Variants in DHX37 observed in about 807,000 individuals in gnomAD.
The protein encoded by DHX37 is probable ATP-dependent RNA helicase DHX37.
A neutral mutation model predicts 134.3 loss-of-function variants in DHX37; 52 were observed. The observed-to-expected ratio is 0.39, with a 90% CI of 0.31 to 0.49. The LOEUF (loss-of-function observed/expected upper bound fraction) is 0.49, where lower values mean the gene tolerates loss of function less well. Ranked by LOEUF, DHX37 falls within the 20% of genes least tolerant of loss-of-function variation. The pLI, the probability that DHX37 is intolerant of heterozygous loss-of-function variation, is 0.93. For synonymous variants in DHX37, 634 were observed against 670.7 expected (o/e 0.95, Z 0.85); for missense variants, 1,344 against 1,580.8 (o/e 0.85, Z 2.54).
intron 25 of DHX37, among the ~76,000 whole-genome samples, chr12:124,948,913 C>T (rs1328038687): frequency 6.6e-6 from 1 of 152,212 alleles, no homozygotes; most frequent in Non-Finnish European, 1.5e-5. Context: ...TCCTCCCATC[C>T]ACCCTGGCTG....
intron 1 of DHX37, 53 bp from the exon 2 acceptor site, chr12:124,986,318 C>A: frequency 6.3e-7 from 1 of 1,590,432 alleles, no homozygotes; most frequent in Non-Finnish European, 8.5e-7. Context: ...GCTCTGGTCC[C>A]GCCTCCCACA....
rs754141645 is a variant in DHX37, at chr12:124,950,445, C to T, written c.3089G>A (p.Gly1030Glu). 4.1e-5 allele frequency: 66 copies of T among 1,592,906 alleles called. No individual in the cohort carries two copies. Among genetic ancestry groups the T allele is most frequent in the Non-Finnish European group, 5.4e-5 (63 of 1,169,056 alleles). ...GCTGGCCCGGTGACACAGCACCCGC[C>T]CCCGCTCGGGGCAGTATGTAGGGGC... ...EPAPTYCPER[G>E]RVLCHRASVF... The change falls in exon 23 of 27, where the codon GGG becomes GAG. Residue 1030 changes from glycine to glutamate, a missense_variant. Coordinates refer to ENST00000308736, the MANE Select transcript of DHX37 (RefSeq NM_032656.4).
chr12:124,957,045 G>A lies in DHX37; in HGVS notation c.2248C>T (p.Pro750Ser). The A allele has an allele frequency of 2.0e-6, 3 of 1,515,634 alleles. No homozygotes were observed. Among genetic ancestry groups the A allele is most frequent in the Non-Finnish European group, 2.6e-6 (3 of 1,135,902 alleles). The allele number at this position is 1,515,634 out of a possible 1,614,324, so 93.9% of individuals were successfully genotyped here. The part of the protein sequence containing the change: ...LLIALGALQP[P>S]QKAERVKQLQ... ...TGGCCTTACCTTTCTGCTTTCTGGG[G>A]CGGTTGCAGGGCACCCAGTGCGATC... Residue 750 changes from proline (P) to serine (S), a missense_variant, in exon 17 of 27, where the codon CCC (proline) becomes TCC (serine). Transcript: ENST00000308736.
At chr12:124,950,093 G>A (rs1397505178) in intron 24 of DHX37, 34 bp from the exon 25 acceptor site, 4 of 1,613,882 alleles carry the variant, frequency 2.5e-6, no homozygotes, top group South Asian at 1.1e-5. Context: ...GTGAGGCCCG[G>A]GCTGCTGCTG....
intron 1 of DHX37, 27 bp from the exon 2 acceptor site, chr12:124,986,292 C>T: frequency 6.2e-7 from 1 of 1,609,760 alleles, no homozygotes; most frequent in Non-Finnish European, 8.5e-7. Context: ...ATTAAGTCCC[C>T]ATTCTCCTTG....
chr12:124,967,590 C>T lies in DHX37; in HGVS notation c.1409-372G>A, dbSNP rs187650913. On this transcript the variant is annotated intron_variant, in intron 10 of 26. Transcript: ENST00000308736. ...AGCTCCAGCCTCACCTCCTGCCAGC[C>T]CCAGTCTCCCAGAGAATGGATGGGA... is the stretch of plus-strand genomic sequence containing the variant. Among the ~76,000 whole-genome samples the T allele has an allele frequency of 1.9e-3, 285 of 152,258 alleles. 1 individual carries two copies. Among genetic ancestry groups the T allele is most frequent in the Admixed American group, 6.1e-3 (94 of 15,292 alleles).
chr12:124,953,252 CCA>C (rs1954009676), intron 20 of DHX37: 1 of 153,560 alleles, frequency 6.5e-6, no homozygotes, highest in African/African-American at 2.4e-5. Flanking sequence ...GACAGGGCCA[CCA>C]CCATGCACCT....
At position 124,975,427 on chromosome 12, in the gene DHX37, C is replaced by T. The variant is rs372527467; in HGVS notation, c.972G>A (p.Leu324=). The change falls in exon 6 of 27, where the codon CTG becomes CTA. Residue 324 remains leucine, a synonymous_variant. Coordinates refer to ENST00000308736, the MANE Select transcript of DHX37 (RefSeq NM_032656.4). ...GGAAGTAGAGCCCTCACCGCTGGGACAGATTCATCTCCTTGGCCACTCGCT... is the reference window on the plus strand; with the variant it reads ...GGAAGTAGAGCCCTCACCGCTGGGATAGATTCATCTCCTTGGCCACTCGCT... ...MSQRVAKEMN[L]SQRVVSYQIR... The T allele has an allele frequency of 6.2e-7, 1 of 1,613,016 alleles. No homozygotes were observed. The highest frequency in any genetic ancestry group is 1.1e-5 in the South Asian group (1 of 91,082).
At chr12:124,976,603 G>A (rs1954645660) in intron 5 of DHX37, among the ~76,000 whole-genome samples, 2 of 152,178 alleles carry the variant, frequency 1.3e-5, no homozygotes, top group Non-Finnish European at 2.9e-5. Flanking sequence ...GCCGAGGCAG[G>A]CGGATCACGA....
At chr12:124,982,663 G>A (rs375167459) in intron 2 of DHX37, 40 bp from the exon 3 acceptor site, 16 of 1,600,590 alleles carry the variant, frequency 1.0e-5, no homozygotes, top group Admixed American at 3.4e-5. Context: ...TTGCCATCAC[G>A]ACCCTCTCTT....
chr12:124,968,410 G>A, intron 10 of DHX37, 124 bp downstream of exon 10: 1 of 1,482,556 alleles, frequency 6.7e-7, no homozygotes, highest in Non-Finnish European at 9.0e-7. Flanking sequence ...AAGTGAGGAA[G>A]CCGAGGCCTG....
intron 4 of DHX37, among the ~76,000 whole-genome samples, chr12:124,978,678 C>T (rs1056591362): frequency 5.3e-5 from 8 of 150,646 alleles, no homozygotes; most frequent in East Asian, 2.0e-4. Context: ...GTAATCCCAG[C>T]GACTTGAGAG....
chr12:124,958,461 C>A (rs541364818), intron 16 of DHX37, among the ~76,000 whole-genome samples: 1 of 152,250 alleles, frequency 6.6e-6, no homozygotes, highest in Non-Finnish European at 1.5e-5. Flanking sequence ...CCAGCCCTGA[C>A]ACTTTTTATC....
intron 8 of DHX37, 49 bp downstream of exon 8, chr12:124,971,253 G>T (rs541159476): frequency 3.0e-5 from 47 of 1,578,158 alleles, no homozygotes; most frequent in Middle Eastern, 2.2e-4. Flanking sequence ...TGACAGAGCT[G>T]GGGGGGGCCT....
Position 124,964,953 on chromosome 12 carries a change from GC to G in DHX37, c.1788del (p.Leu597TrpfsTer112). The G allele has an allele frequency of 6.3e-7, 1 of 1,597,386 alleles. No individual in the cohort carries two copies. The highest frequency in any genetic ancestry group is 1.1e-5 in the South Asian group (1 of 87,470). ...LPLHVLPLYS[L>X]LAPEKQAQVF... ...ACCTGTGCTTGCTTCTCTGGGGCCA[GC>G]AGAGAGTACAGCGGGAGCACGTGGA... On this transcript the variant is annotated frameshift_variant, in exon 14 of 27. Transcript: ENST00000308736. LOFTEE classifies it high-confidence loss of function.
At chr12:124,968,723 A>G in intron 9 of DHX37, 75 bp from the exon 10 acceptor site, 1 of 1,608,924 alleles carries the variant, frequency 6.2e-7, no homozygotes, top group Non-Finnish European at 8.5e-7. Context: ...CCCTTTCCCC[A>G]TTATTCCGAA....
chr12:124,948,137 T>C lies in DHX37; in HGVS notation c.3335A>G (p.Glu1112Gly). 6.2e-7 allele frequency: 1 copy of C among 1,614,246 alleles called. No homozygotes were observed. The highest frequency in any genetic ancestry group is 8.5e-7 in the Non-Finnish European group (1 of 1,180,048). Residue 1112 changes from glutamate to glycine, a missense_variant, in exon 26 of 27, where the codon GAG becomes GGG. By Grantham distance (98) the Glu-to-Gly change is moderately conservative (BLOSUM62 -2). This residue lies in a region of DHX37 where 558 missense variants were observed against 650.0 expected (regional missense o/e 0.86). Transcript: ENST00000308736. ...TESLLRALVAEKADCHEALLA... is the reference protein window; with the variant it reads ...TESLLRALVAGKADCHEALLA... ...CAAGGCTTCATGGCAGTCAGCCTTCTCTGCAACCAGGGCTCGCAGAAGGCT... is the reference window on the plus strand; with the variant it reads ...CAAGGCTTCATGGCAGTCAGCCTTCCCTGCAACCAGGGCTCGCAGAAGGCT...
rs532100900 is a variant in DHX37, at chr12:124,950,346, G to A, written c.3121+67C>T. On this transcript the variant is annotated intron_variant, in intron 23 of 26. Coordinates refer to ENST00000308736, the MANE Select transcript of DHX37 (RefSeq NM_032656.4). ...ACACACGTCCGGGGGCAGGGGACAG[G>A]ACCGTGTGTCCGAGAAGCCCACGGC... 2.9e-5 allele frequency: 47 copies of A among 1,597,236 alleles called. No individual in the cohort carries two copies. The African/African-American group carries it at 5.5e-4, about 19-fold the overall frequency.
intron 11 of DHX37, 81 bp from the exon 12 acceptor site, chr12:124,966,959 T>C (rs1954402357): frequency 1.9e-6 from 3 of 1,585,326 alleles, no homozygotes; most frequent in Non-Finnish European, 2.6e-6. Context: ...GTTCAAGGCA[T>C]GGCCACTCAG....
Sources: gnomAD v4.1 joint callset for allele counts (sites outside exome capture counted in the v4.1 genomes callset) on GRCh38, gnomAD v4.1.1 for gene constraint, gnomAD v4.1.1 regional missense constraint, MANE v1.5 for transcripts, NCBI Gene and HGNC (gene_info 2026-07-23, HGNC 2026-07-21) for gene names.